The following BRINP3 variants were observed in gnomAD, a reference collection of about 807,000 sequenced individuals.
The protein encoded by BRINP3 is BMP/retinoic acid-inducible neural-specific protein 3.
BRINP3 carries 19 observed loss-of-function variants against 71.0 expected under a neutral mutation model. That is an observed-to-expected ratio of 0.27 (90% CI 0.19 to 0.39). The LOEUF (loss-of-function observed/expected upper bound fraction) is 0.39, where lower values mean the gene tolerates loss of function less well. BRINP3 is among the 10% of genes least tolerant of loss of function. The probability of loss-of-function intolerance (pLI) is 1.00; values close to 1 mark genes in which losing one functional copy is unlikely to be tolerated. For synonymous variants in BRINP3, 380 were observed against 337.7 expected (o/e 1.13, Z -1.37); for missense variants, 959 against 940.8 (o/e 1.02, Z -0.25).
At chr1:190,383,177 A>G (rs1217239900) in intron 2 of BRINP3, among the ~76,000 whole-genome samples, 1 of 152,140 alleles carries the variant, frequency 6.6e-6, no homozygotes, top group Non-Finnish European at 1.5e-5. Context: ...TAACAAAGTA[A>G]TGCCTCTTGT....
rs114849822 is a variant in BRINP3 at position 190,143,399 on chromosome 1, A to G, written c.1184+17269T>C. Among the ~76,000 whole-genome samples the G allele has an allele frequency of 2.3e-3, 352 of 152,322 alleles. 1 individual carries two copies. The highest frequency in any genetic ancestry group is 7.3e-3 in the African/African-American group (305 of 41,580). ...AATGCAAAGAGAAACTAGCTCACCA[A>G]TGGAACTACTCAAAGGTCAAGCCTT... On this transcript the variant is annotated intron_variant, in intron 7 of 7. Coordinates refer to ENST00000367462, the MANE Select transcript of BRINP3 (RefSeq NM_199051.3).
chr1:190,352,465 T>C (rs931070193), intron 2 of BRINP3, among the ~76,000 whole-genome samples: 7 of 152,000 alleles, frequency 4.6e-5, no homozygotes, highest in African/African-American at 1.4e-4. Context: ...TCATAAAATT[T>C]CTATCCTGCT....
chr1:190,238,361 C>T (rs1047102690), intron 4 of BRINP3, among the ~76,000 whole-genome samples: 19 of 151,896 alleles, frequency 1.3e-4, no homozygotes, highest in African/African-American at 4.6e-4. Context: ...TTATTCACTA[C>T]ATACTCTGTT....
At chr1:190,434,046 A>C (rs946421089) in intron 2 of BRINP3, among the ~76,000 whole-genome samples, 3 of 152,182 alleles carry the variant, frequency 2.0e-5, no homozygotes, top group African/African-American at 7.2e-5. Flanking sequence ...ACAGAGTAAA[A>C]TAACCATGTC....
rs115882045 is a variant in BRINP3 at position 190,189,268 on chromosome 1, G to T, written c.962-28378C>A. Among the ~76,000 whole-genome samples, 504 of 152,130 alleles carry T rather than the reference G, an allele frequency of 3.3e-3. 4 individuals carry two copies. The highest frequency in any genetic ancestry group is 0.011 in the African/African-American group (460 of 41,518). On this transcript the variant is annotated intron_variant, in intron 6 of 7. Coordinates refer to ENST00000367462, the MANE Select transcript of BRINP3 (RefSeq NM_199051.3). ...ACAGTACTTAACAGTGAAACCATCA[G>T]GTTTAGGGCTTTTCTTGGACAGGAG...
At chr1:190,458,278 A>G (rs1016622678) in intron 1 of BRINP3, among the ~76,000 whole-genome samples, 4 of 152,130 alleles carry the variant, frequency 2.6e-5, no homozygotes, top group Non-Finnish European at 5.9e-5. Context: ...TCCTAAAATC[A>G]TTGTATTTGT....
At chr1:190,326,324 A>G (rs1666576855) in intron 2 of BRINP3, among the ~76,000 whole-genome samples, 1 of 152,102 alleles carries the variant, frequency 6.6e-6, no homozygotes, top group Admixed American at 6.6e-5. Context: ...GGCATTCCTG[A>G]GAGAGAAGGA....
At chr1:190,297,523 T>C (rs1387251368) in intron 2 of BRINP3, among the ~76,000 whole-genome samples, 1 of 152,184 alleles carries the variant, frequency 6.6e-6, no homozygotes, top group Non-Finnish European at 1.5e-5. Context: ...ATTTCATAGA[T>C]GCAATTTATG....
intron 6 of BRINP3, among the ~76,000 whole-genome samples, chr1:190,195,845 G>A (rs1654431774): frequency 6.6e-6 from 1 of 151,288 alleles, no homozygotes; most frequent in Admixed American, 6.6e-5. Context: ...CATAATTGGA[G>A]TTCTTGAAAA....
intron 1 of BRINP3, among the ~76,000 whole-genome samples, chr1:190,467,225 T>C (rs2455085): frequency 0.37 from 55,521 of 151,268 alleles, 11,607 homozygotes; most frequent in Non-Finnish European, 0.47. Flanking sequence ...TTTGATTTAG[T>C]AGATTAATTT....
At chr1:190,373,232 A>C (rs542921253) in intron 2 of BRINP3, among the ~76,000 whole-genome samples, 8 of 152,166 alleles carry the variant, frequency 5.3e-5, no homozygotes, top group African/African-American at 1.7e-4. Context: ...TCTACTAAAA[A>C]TACAAAAATT....
chr1:190,146,443 C>T (rs1655894630), intron 7 of BRINP3, among the ~76,000 whole-genome samples: 1 of 152,102 alleles, frequency 6.6e-6, no homozygotes, highest in African/African-American at 2.4e-5. Context: ...TAGCATTTTC[C>T]ATACTATTTC....
intron 2 of BRINP3, among the ~76,000 whole-genome samples, chr1:190,433,868 T>G (rs1431407727): frequency 6.6e-6 from 1 of 152,156 alleles, no homozygotes; most frequent in Non-Finnish European, 1.5e-5. Context: ...AAGATGTGTG[T>G]GCTGTAAAAA....
intron 2 of BRINP3, among the ~76,000 whole-genome samples, chr1:190,317,029 G>A (rs1291140327): frequency 6.6e-6 from 1 of 151,700 alleles, no homozygotes; most frequent in South Asian, 2.1e-4. Flanking sequence ...AAAATTAGCC[G>A]GGCATGATGG....
chr1:190,321,913 T>C (rs1337067569), intron 2 of BRINP3, among the ~76,000 whole-genome samples: 1 of 152,028 alleles, frequency 6.6e-6, no homozygotes. Flanking sequence ...TCATGTTACA[T>C]GCAAGAAAAA....
intron 2 of BRINP3, among the ~76,000 whole-genome samples, chr1:190,332,424 A>C (rs1159748135): frequency 2.6e-5 from 4 of 151,998 alleles, no homozygotes; most frequent in Non-Finnish European, 4.4e-5. Context: ...TTACCACTGC[A>C]CCTGTCCATT....
At chr1:190,160,047 G>A (rs12079406) in intron 7 of BRINP3, among the ~76,000 whole-genome samples, 3,921 of 151,636 alleles carry the variant, frequency 0.026, 146 homozygotes, top group African/African-American at 0.088. Context: ...TTTTGTTTTC[G>A]AACTGACCTC....
At chr1:190,410,982 G>C (rs887249985) in intron 2 of BRINP3, among the ~76,000 whole-genome samples, 3 of 151,972 alleles carry the variant, frequency 2.0e-5, no homozygotes, top group African/African-American at 7.2e-5. Context: ...TTCCTAGAAA[G>C]GCAAAGGGTC....
At chr1:190,475,190 A>G (rs1677421046) in intron 1 of BRINP3, among the ~76,000 whole-genome samples, 1 of 152,052 alleles carries the variant, frequency 6.6e-6, no homozygotes, top group African/African-American at 2.4e-5. Flanking sequence ...ACAGTTCTAA[A>G]CCCTACTTCG....
Sources: allele counts gnomAD v4.1 joint callset (sites outside exome capture counted in the v4.1 genomes callset), GRCh38; gene constraint gnomAD v4.1.1; transcripts MANE v1.5; gene names NCBI Gene and HGNC (gene_info 2026-07-23, HGNC 2026-07-21).